The following TRIOBP variants were observed in gnomAD, a reference collection of about 807,000 sequenced individuals.
TRIOBP encodes TRIO and F-actin binding protein.
Under a neutral mutation model 238.8 loss-of-function variants are expected in TRIOBP, and 169 were observed. The ratio of observed to expected loss-of-function variants is 0.71; its 90% CI spans 0.62 to 0.80. The LOEUF (loss-of-function observed/expected upper bound fraction) is 0.80. TRIOBP is among the 30% of genes least tolerant of loss of function. The probability of loss-of-function intolerance (pLI) is 0.00; values close to 1 mark genes in which losing one functional copy is unlikely to be tolerated. For missense variants in TRIOBP, 2,838 were observed against 3,122.6 expected (o/e 0.91, Z 2.17); for synonymous variants, 1,150 against 1,274.4 (o/e 0.90, Z 2.08).
At chr22:37,728,471 T>A (rs1419909517) in intron 7 of TRIOBP, among the ~76,000 whole-genome samples, 1 of 152,096 alleles carries the variant, frequency 6.6e-6, no homozygotes, top group African/African-American at 2.4e-5. Flanking sequence ...CTCTTGTTCT[T>A]CAAATTTCCT....
At chr22:37,746,477 G>T in intron 11 of TRIOBP, 1 of 1,347,712 alleles carries the variant, frequency 7.4e-7, no homozygotes, top group Admixed American at 2.5e-5. Flanking sequence ...GACGACCCGA[G>T]GCAGAGCCCA....
Position 37,725,134 on chromosome 22 carries a change from C to T in TRIOBP, c.2578C>T (p.Gln860Ter). 6.2e-7 allele frequency: 1 copy of T among 1,614,122 alleles called. No individual in the cohort carries two copies. Among genetic ancestry groups the T allele is most frequent in the Non-Finnish European group, 8.5e-7 (1 of 1,180,006 alleles). The change falls in exon 7 of 24, where the codon CAA becomes TAA. Residue 860 changes from glutamine (Q) to a stop codon, truncating the protein, a stop_gained. Transcript: ENST00000644935. LOFTEE classifies it high-confidence loss of function. ...QRDRTQSFSF[Q>*]RDNPGTSSSQ... ...GGACCGCACACAGTCCTTTTCCTTT[C>T]AACGAGACAACCCTGGAACCTCCTC...
chr22:37,734,993 A>G lies in TRIOBP; in HGVS notation c.4657A>G (p.Arg1553Gly), dbSNP rs1924601513. The G allele has an allele frequency of 3.7e-6, 6 of 1,613,246 alleles. No individual in the cohort carries two copies. The East Asian group carries it at 1.3e-4, about 36-fold the overall frequency. ...GACPYPRGSE[R>G]RPELDWRDLL... The stretch of plus-strand genomic sequence containing the variant: ...GTGTCCATACCCGCGTGGCTCTGAG[A>G]GGCGACCCGAGCTTGACTGGAGGGA... Residue 1553 changes from arginine to glycine, a missense_variant, in exon 9 of 24, where the codon AGG (arginine) becomes GGG (glycine). Arg to Gly is a moderately radical substitution (Grantham distance 125). This residue lies in a region of TRIOBP where 2,096 missense variants were observed against 2,137.4 expected (regional missense o/e 0.98). Coordinates refer to ENST00000644935, the MANE Select transcript of TRIOBP (RefSeq NM_001039141.3).
At chr22:37,749,590 G>A (rs545722328) in intron 11 of TRIOBP, among the ~76,000 whole-genome samples, 5 of 152,194 alleles carry the variant, frequency 3.3e-5, no homozygotes, top group Non-Finnish European at 5.9e-5. Flanking sequence ...AAGGGGCATC[G>A]TGGGAGATTT....
intron 11 of TRIOBP, among the ~76,000 whole-genome samples, chr22:37,742,276 TA>T (rs1365619247): frequency 6.4e-5 from 9 of 141,070 alleles, no homozygotes; most frequent in Non-Finnish European, 1.4e-4. Context: ...TTTTTTTTTT[TA>T]AATTAAGATA....
chr22:37,723,388 G>C lies in TRIOBP; in HGVS notation c.832G>C (p.Ala278Pro). 1.9e-6 allele frequency: 3 copies of C among 1,613,892 alleles called. No individual in the cohort carries two copies. The highest frequency in any genetic ancestry group is 2.5e-6 in the Non-Finnish European group (3 of 1,179,930). The change falls in exon 7 of 24, where the codon GCC (alanine) becomes CCC (proline). Residue 278 changes from alanine to proline, a missense_variant. Coordinates refer to ENST00000644935, the MANE Select transcript of TRIOBP (RefSeq NM_001039141.3). ...TGCCTCTACACGTGAAATCCCCAGA[G>C]CCTCCTCTCCCCATCGAATCACCCA... The part of the protein sequence containing the change: ...QAASTREIPR[A>P]SSPHRITQRD...
rs1316183198 is a variant in TRIOBP at position 37,723,331 on chromosome 22, G to C, written c.775G>C (p.Ala259Pro). ...HSGPRSTTSQASPAQRDTAQA... is the reference protein window; with the variant it reads ...HSGPRSTTSQPSPAQRDTAQA... ...TGGACCTCGAAGCACCACGTCTCAG[G>C]CTTCTCCTGCCCAAAGGGACACTGC... is the stretch of plus-strand genomic sequence containing the variant. The change falls in exon 7 of 24, where the codon GCT (alanine) becomes CCT (proline). Residue 259 changes from alanine to proline, a missense_variant. Physicochemically the swap from Ala to Pro is conservative, Grantham distance 27. Coordinates refer to ENST00000644935, the MANE Select transcript of TRIOBP (RefSeq NM_001039141.3). 1 of 1,614,074 alleles carries C rather than the reference G, an allele frequency of 6.2e-7. No individual in the cohort carries two copies. Among genetic ancestry groups the C allele is most frequent in the East Asian group, 2.2e-5 (1 of 44,880 alleles).
intron 6 of TRIOBP, among the ~76,000 whole-genome samples, chr22:37,716,415 G>A (rs1569036849): frequency 6.6e-6 from 1 of 151,440 alleles, no homozygotes; most frequent in Non-Finnish European, 1.5e-5. Flanking sequence ...CGCCTAGCCT[G>A]TTATTATTAT....
intron 18 of TRIOBP, among the ~76,000 whole-genome samples, chr22:37,766,457 A>G (rs1926498497): frequency 6.6e-6 from 1 of 152,246 alleles, no homozygotes; most frequent in South Asian, 2.1e-4. Context: ...ACTCGAACCC[A>G]GCCTTGGGGC....
chr22:37,741,582 C>T (rs1197587413), intron 11 of TRIOBP, among the ~76,000 whole-genome samples: 1 of 152,238 alleles, frequency 6.6e-6, no homozygotes, highest in African/African-American at 2.4e-5. Context: ...CTCCAGCAGC[C>T]ACAGGCTGGC....
chr22:37,761,296 A>T (rs77304359), intron 17 of TRIOBP, among the ~76,000 whole-genome samples: 2 of 151,918 alleles, frequency 1.3e-5, no homozygotes, highest in South Asian at 2.1e-4. Flanking sequence ...AAAAAAAAAA[A>T]TACAAAACTT....
chr22:37,749,301 G>A (rs1046043694), intron 11 of TRIOBP, among the ~76,000 whole-genome samples: 5 of 152,146 alleles, frequency 3.3e-5, no homozygotes, highest in Admixed American at 1.3e-4. Context: ...GTTGCAGTAA[G>A]CCGAGATGGC....
At chr22:37,759,389 T>G in intron 17 of TRIOBP, 125 bp downstream of exon 17, 1 of 1,268,554 alleles carries the variant, frequency 7.9e-7, no homozygotes, top group Non-Finnish European at 1.2e-6. Flanking sequence ...GCATTTGACA[T>G]GCGTCATCTC....
At chr22:37,742,069 T>C (rs1303927219) in intron 11 of TRIOBP, among the ~76,000 whole-genome samples, 2 of 148,750 alleles carry the variant, frequency 1.3e-5, no homozygotes, top group Non-Finnish European at 3.0e-5. Flanking sequence ...GTGATTCTCC[T>C]GCCTCAGCCT....
At chr22:37,732,869 G>C (rs1398692441) in intron 7 of TRIOBP, among the ~76,000 whole-genome samples, 1 of 152,240 alleles carries the variant, frequency 6.6e-6, no homozygotes, top group Non-Finnish European at 1.5e-5. Context: ...ATGATTATGT[G>C]TGCCCAGTGC....
chr22:37,755,560 C>A lies in TRIOBP; in HGVS notation c.5588C>A (p.Ala1863Asp). The A allele has an allele frequency of 1.2e-6, 2 of 1,613,986 alleles. No homozygotes were observed. The highest frequency in any genetic ancestry group is 1.3e-5 in the African/African-American group (1 of 75,050). ...NYGFQIHTKD[A>D]VYTLSAMTSG... Reference sequence around the variant, plus strand: ...GCGGTGGCCTTGCAGACCAAGGATGCTGTCTATACCTTGTCGGCCATGACC... The same window carrying A: ...GCGGTGGCCTTGCAGACCAAGGATGATGTCTATACCTTGTCGGCCATGACC... The change falls in exon 15 of 24, where the codon GCT (alanine) becomes GAT (aspartate). Residue 1863 changes from alanine to aspartate, a missense_variant. This residue lies in a region of TRIOBP where 2,096 missense variants were observed against 2,137.4 expected (regional missense o/e 0.98). Coordinates refer to ENST00000644935, the MANE Select transcript of TRIOBP (RefSeq NM_001039141.3).
intron 15 of TRIOBP, 43 bp downstream of exon 15, chr22:37,755,702 C>A (rs138152523): frequency 5.0e-5 from 79 of 1,568,934 alleles, no homozygotes; most frequent in Middle Eastern, 5.0e-4. Flanking sequence ...AGGCACTTAC[C>A]CTTGCGTCCC....
At chr22:37,763,220 C>T (rs953627871) in intron 17 of TRIOBP, among the ~76,000 whole-genome samples, 1 of 152,208 alleles carries the variant, frequency 6.6e-6, no homozygotes, top group Non-Finnish European at 1.5e-5. Context: ...GCACAGGGTT[C>T]CCGTGCCCAG....
In TRIOBP at chr22:37,751,653, C is replaced by A. The variant is rs1925610609; in HGVS notation, c.5323-119C>A. ...CTAGGGCCTTAGCCCTCTTGGCTGGCTTCCCAGGAGCTCGGTCCCACAGGA... is the reference window on the plus strand; with the variant it reads ...CTAGGGCCTTAGCCCTCTTGGCTGGATTCCCAGGAGCTCGGTCCCACAGGA... On this transcript the variant is annotated intron_variant, in intron 11 of 23. Coordinates refer to ENST00000644935, the MANE Select transcript of TRIOBP (RefSeq NM_001039141.3). 4.2e-6 allele frequency: 5 copies of A among 1,195,402 alleles called. No homozygotes were observed. The South Asian group carries it at 5.1e-5, about 12-fold the overall frequency. The allele number at this position is 1,195,402 out of a possible 1,614,324, so 74.0% of individuals were successfully genotyped here.
Sources: gnomAD v4.1 joint callset for allele counts (sites outside exome capture counted in the v4.1 genomes callset) on GRCh38, gnomAD v4.1.1 for gene constraint, gnomAD v4.1.1 regional missense constraint, MANE v1.5 for transcripts, NCBI Gene and HGNC (gene_info 2026-07-23, HGNC 2026-07-21) for gene names.